Variants in LRP1B observed in about 807,000 individuals in gnomAD.
LRP1B encodes LDL receptor related protein 1B.
LRP1B carries 217 observed loss-of-function variants against 556.6 expected under a neutral mutation model. The observed-to-expected ratio is 0.39, with a 90% CI of 0.35 to 0.44. LRP1B has a LOEUF of 0.44. Among genes scored for constraint, LRP1B ranks in the 20% least tolerant of loss-of-function variants. LRP1B has a pLI of 1.00. For missense variants in LRP1B, 5,053 were observed against 5,620.8 expected (o/e 0.90, Z 3.23); for synonymous variants, 2,047 against 1,865.8 (o/e 1.10, Z -2.50).
chr2:141,697,798 T>G (rs1192204537), intron 2 of LRP1B, among the ~76,000 whole-genome samples: 2 of 151,908 alleles, frequency 1.3e-5, no homozygotes, highest in African/African-American at 4.8e-5. Context: ...TGGCTACAAA[T>G]AGCATTCAAA....
intron 3 of LRP1B, among the ~76,000 whole-genome samples, chr2:141,471,282 T>TTTTTTTTTTTTTTTTTGTTTTTG (rs1682461266): frequency 8.8e-6 from 1 of 113,844 alleles, no homozygotes; most frequent in African/African-American, 2.8e-5. Context: ...TTTTTTTTTT[T>TTTTTTTTTTTTTTTTTGTTTTTG]TTTTTTTTTT....
At chr2:141,306,804 T>C (rs1477993965) in intron 3 of LRP1B, among the ~76,000 whole-genome samples, 1 of 152,140 alleles carries the variant, frequency 6.6e-6, no homozygotes, top group Non-Finnish European at 1.5e-5. Context: ...GGTTCTGGTA[T>C]TATGTATCAA....
intron 86 of LRP1B, among the ~76,000 whole-genome samples, chr2:140,260,776 C>T (rs1681899993): frequency 6.6e-6 from 1 of 151,804 alleles, no homozygotes; most frequent in African/African-American, 2.4e-5. Context: ...TTCAAATCTC[C>T]CCTCAAAATT....
chr2:140,345,769 C>CAT (rs1351068335), intron 77 of LRP1B, among the ~76,000 whole-genome samples: 3 of 125,760 alleles, frequency 2.4e-5, no homozygotes, highest in Non-Finnish European at 3.3e-5. Context: ...CATATATACA[C>CAT]ATATATATAC....
chr2:141,451,438 G>T (rs1681417955), intron 3 of LRP1B, among the ~76,000 whole-genome samples: 1 of 152,116 alleles, frequency 6.6e-6, no homozygotes, highest in South Asian at 2.1e-4. Context: ...AAGCAACCTA[G>T]TTACATTGAC....
intron 2 of LRP1B, among the ~76,000 whole-genome samples, chr2:141,797,084 A>T (rs1174907783): frequency 1.4e-5 from 2 of 145,464 alleles, no homozygotes; most frequent in Admixed American, 7.0e-5. Context: ...TGACTCATGA[A>T]TTCTATAAAG....
At chr2:141,890,245 A>G (rs1013749048) in intron 1 of LRP1B, among the ~76,000 whole-genome samples, 2 of 150,206 alleles carry the variant, frequency 1.3e-5, no homozygotes, top group Non-Finnish European at 3.0e-5. Context: ...GCTCCCAGTT[A>G]TCAGCATTGT....
chr2:140,996,048 T>C (rs1468003077), intron 15 of LRP1B, among the ~76,000 whole-genome samples: 1 of 151,968 alleles, frequency 6.6e-6, no homozygotes, highest in Admixed American at 6.6e-5. Context: ...ATAAAATCCT[T>C]TGTGTCTAAT....
intron 2 of LRP1B, among the ~76,000 whole-genome samples, chr2:141,684,041 G>A (rs1206421992): frequency 6.6e-6 from 1 of 152,034 alleles, no homozygotes; most frequent in Admixed American, 6.6e-5. Context: ...GGAAGACAGT[G>A]TGGAAATTCC....
At chr2:140,431,329 C>T (rs1357846044) in intron 66 of LRP1B, among the ~76,000 whole-genome samples, 2 of 152,186 alleles carry the variant, frequency 1.3e-5, no homozygotes, top group Non-Finnish European at 2.9e-5. Flanking sequence ...CTACAGGGTA[C>T]AGCCCATTTG....
chr2:141,123,568 T>C (rs1387194170), intron 7 of LRP1B, among the ~76,000 whole-genome samples: 2 of 152,174 alleles, frequency 1.3e-5, no homozygotes, highest in African/African-American at 4.8e-5. Flanking sequence ...TCTACTATTA[T>C]GCAGAATTAT....
chr2:141,095,253 T>A (rs1015119143), intron 7 of LRP1B, among the ~76,000 whole-genome samples: 1 of 150,666 alleles, frequency 6.6e-6, no homozygotes, highest in Non-Finnish European at 1.5e-5. Context: ...ATGCACAGAC[T>A]CCCACCATAA....
intron 20 of LRP1B, among the ~76,000 whole-genome samples, chr2:140,940,609 T>C (rs1695370453): frequency 6.6e-6 from 1 of 152,144 alleles, no homozygotes; most frequent in South Asian, 2.1e-4. Flanking sequence ...TCATACCAAA[T>C]TCTGTAGGGA....
chr2:141,539,081 A>C (rs187901891), intron 2 of LRP1B, among the ~76,000 whole-genome samples: 12 of 152,288 alleles, frequency 7.9e-5, no homozygotes, highest in South Asian at 6.2e-4. Context: ...AACCTGCAAA[A>C]ATTTCATCAA....
intron 3 of LRP1B, among the ~76,000 whole-genome samples, chr2:141,411,853 T>C (rs1472513343): frequency 6.6e-6 from 1 of 152,124 alleles, no homozygotes; most frequent in East Asian, 1.9e-4. Context: ...AATGTATTGA[T>C]TTGTTAAAAG....
intron 7 of LRP1B, among the ~76,000 whole-genome samples, chr2:141,068,105 C>T (rs1379016039): frequency 6.6e-6 from 1 of 151,822 alleles, no homozygotes; most frequent in Non-Finnish European, 1.5e-5. Flanking sequence ...CATGACTAAC[C>T]GCCCATATTA....
At chr2:140,767,962 A>T (rs893575025) in intron 35 of LRP1B, among the ~76,000 whole-genome samples, 15 of 151,966 alleles carry the variant, frequency 9.9e-5, no homozygotes, top group South Asian at 2.1e-4. Context: ...GGTACATAAG[A>T]GACAAGGTAG....
At chr2:142,108,064 G>A (rs1435265185) in intron 1 of LRP1B, among the ~76,000 whole-genome samples, 2 of 150,154 alleles carry the variant, frequency 1.3e-5, no homozygotes, top group African/African-American at 2.4e-5. Context: ...TTATAGTTTG[G>A]GTACTTAGGG....
At chr2:141,273,368 T>C (rs1685161218) in intron 3 of LRP1B, among the ~76,000 whole-genome samples, 1 of 151,938 alleles carries the variant, frequency 6.6e-6, no homozygotes, top group Non-Finnish European at 1.5e-5. Context: ...AGGGTGGTAC[T>C]GGCATAAAGA....
Sources: gnomAD v4.1 joint callset for allele counts (sites outside exome capture counted in the v4.1 genomes callset) on GRCh38, gnomAD v4.1.1 for gene constraint, MANE v1.5 for transcripts, NCBI Gene and HGNC (gene_info 2026-07-23, HGNC 2026-07-21) for gene names.